PLAAT5: variants seen among roughly 807,000 people sequenced by gnomAD.
PLAAT5 encodes the protein phospholipase A and acyltransferase 5.
In PLAAT5, 27 loss-of-function variants were observed where a neutral mutation model predicts 27.8. The observed-to-expected ratio is 0.97, with a 90% CI of 0.72 to 1.34. The LOEUF is 1.34. Among genes scored for constraint, PLAAT5 ranks in the 40% most tolerant of loss-of-function variants. The pLI is 0.00. For synonymous variants in PLAAT5, 125 were observed against 136.1 expected, an observed-to-expected ratio of 0.92 and a Z score of 0.57; for missense variants, 368 against 343.8, an observed-to-expected ratio of 1.07 and a Z score of -0.56.
chr11:63,464,002 C>T (rs1253719785), intron 5 of PLAAT5, among the ~76,000 whole-genome samples: 1 of 152,172 alleles, frequency 6.6e-6, no homozygotes, highest in Non-Finnish European at 1.5e-5. Context: ...GGCCTCATGA[C>T]TCCTAGGCCC....
chr11:63,481,505 A>C (rs1304644511), intron 3 of PLAAT5, among the ~76,000 whole-genome samples: 1 of 152,190 alleles, frequency 6.6e-6, no homozygotes, highest in Non-Finnish European at 1.5e-5. Flanking sequence ...ATAAATGTTC[A>C]TTTCAAAGCT....
intron 3 of PLAAT5, among the ~76,000 whole-genome samples, chr11:63,480,294 C>CCAA: frequency 6.6e-6 from 1 of 152,278 alleles, no homozygotes; most frequent in Admixed American, 6.5e-5. Flanking sequence ...CATTGTGAGG[C>CCAA]CAATCTAAGC....
intron 3 of PLAAT5, among the ~76,000 whole-genome samples, chr11:63,488,159 T>C (rs948159661): frequency 2.0e-5 from 3 of 151,928 alleles, no homozygotes. Flanking sequence ...AAAATATATA[T>C]AGTTATATGA....
chr11:63,488,288 G>A (rs1440981897), intron 3 of PLAAT5, among the ~76,000 whole-genome samples: 3 of 152,110 alleles, frequency 2.0e-5, no homozygotes, highest in Non-Finnish European at 4.4e-5. Context: ...AGTGGTATGG[G>A]AAGAGAGAGG....
At chr11:63,487,971 C>G (rs780497890) in intron 3 of PLAAT5, among the ~76,000 whole-genome samples, 5 of 152,136 alleles carry the variant, frequency 3.3e-5, no homozygotes, top group Non-Finnish European at 7.3e-5. Flanking sequence ...CAGTGAAACC[C>G]CGTCTCTACC....
Position 63,463,196 on chromosome 11 carries a change from C to T in PLAAT5, c.*307G>A, listed in dbSNP as rs1267070994. On this transcript the variant is annotated 3_prime_UTR_variant, in exon 6 of 6. Transcript: ENST00000540857. ...CTCAAGCATCGGAGACCAAGGTCAG[C>T]CTAAGACACAAGCAAGGTCCCATCC... 5.9e-5 allele frequency: 18 copies of T among 306,548 alleles called. No individual in the cohort carries two copies. Among genetic ancestry groups the T allele is most frequent in the Non-Finnish European group, 1.8e-5 (3 of 164,656 alleles). The allele number at this position is 306,548 out of a possible 1,614,324, so 19.0% of individuals were successfully genotyped here.
chr11:63,488,842 G>A (rs2016496753), intron 3 of PLAAT5, 29 bp downstream of exon 3: 1 of 1,479,400 alleles, frequency 6.8e-7, no homozygotes, highest in Admixed American at 1.7e-5. Flanking sequence ...GTTAAAGATA[G>A]TCACTTTGAG....
At chr11:63,464,084 G>C (rs2015789852) in intron 5 of PLAAT5, among the ~76,000 whole-genome samples, 1 of 152,134 alleles carries the variant, frequency 6.6e-6, no homozygotes, top group Admixed American at 6.5e-5. Flanking sequence ...TCACGGGACG[G>C]GAGGTTTCTC....
chr11:63,466,380 C>T lies in PLAAT5; in HGVS notation c.455-8G>A. 1 of 1,613,340 alleles carries T rather than the reference C, an allele frequency of 6.2e-7. No homozygotes were observed. The highest frequency in any genetic ancestry group is 8.5e-7 in the Non-Finnish European group (1 of 1,179,710). On this transcript the variant is annotated splice_polypyrimidine_tract_variant and splice_region_variant and intron_variant, in intron 4 of 5. Transcript: ENST00000540857. ...CCACCTCAAACTCCTCACCTGGAGA[C>T]CAAAGACAAACAAAGGTTGGGAAAT...
At chr11:63,464,270 T>C (rs559901753) in intron 5 of PLAAT5, among the ~76,000 whole-genome samples, 5 of 152,308 alleles carry the variant, frequency 3.3e-5, no homozygotes, top group African/African-American at 1.2e-4. Flanking sequence ...CATTGGAATG[T>C]GAGCCCAATC....
chr11:63,466,340 T>G lies in PLAAT5; in HGVS notation c.487A>C (p.Ile163Leu). Reference sequence around the variant, plus strand: ...TTCACCACGGCCCGATTGCTAAAGATGGAAGTAATGCTGCCCACCTCAAAC... The same window carrying G: ...TTCACCACGGCCCGATTGCTAAAGAGGGAAGTAATGCTGCCCACCTCAAAC... ...EEFEVGSITSIFSNRAVVKYS... is the reference protein window; with the variant it reads ...EEFEVGSITSLFSNRAVVKYS... Residue 163 changes from isoleucine to leucine, a missense_variant, in exon 5 of 6, where the codon ATC becomes CTC. Coordinates refer to ENST00000540857, the MANE Select transcript of PLAAT5 (RefSeq NM_001146729.2). 1.2e-6 allele frequency: 2 copies of G among 1,614,028 alleles called. No individual in the cohort carries two copies. Among genetic ancestry groups the G allele is most frequent in the Non-Finnish European group, 1.7e-6 (2 of 1,179,992 alleles).
chr11:63,490,641 C>T (rs2016541558), intron 1 of PLAAT5: 1 of 610,896 alleles, frequency 1.6e-6, no homozygotes, highest in East Asian at 2.8e-5. Context: ...CCGGTCTTAA[C>T]ACCACCCTCC....
At chr11:63,464,468 C>T (rs1219892750) in intron 5 of PLAAT5, among the ~76,000 whole-genome samples, 2 of 151,968 alleles carry the variant, frequency 1.3e-5, no homozygotes, top group Non-Finnish European at 2.9e-5. Context: ...CCATCCTGAC[C>T]AACATGGTGA....
At chr11:63,469,133 T>TGC (rs2015947433) in intron 3 of PLAAT5, among the ~76,000 whole-genome samples, 1 of 146,862 alleles carries the variant, frequency 6.8e-6, no homozygotes, top group African/African-American at 2.7e-5. Context: ...TGTGTGTGTG[T>TGC]GTGTGTGTGT....
chr11:63,490,259 T>C lies in PLAAT5; in HGVS notation c.223A>G (p.Arg75Gly). The change falls in exon 2 of 6, where the codon AGA becomes GGA. Residue 75 changes from arginine to glycine, a missense_variant. Transcript: ENST00000540857. ...QPPPGTLEQGRSIQQGEKAVV... is the reference protein window; with the variant it reads ...QPPPGTLEQGGSIQQGEKAVV... ...TCTTCTTACCCTTGCTGGATGCTTC[T>C]GCCCTGTTCTAATGTGCCCGGCGGA... is the stretch of plus-strand genomic sequence containing the variant. The C allele has an allele frequency of 1.2e-6, 2 of 1,614,242 alleles. No individual in the cohort carries two copies. Among genetic ancestry groups the C allele is most frequent in the Non-Finnish European group, 1.7e-6 (2 of 1,180,044 alleles).
At chr11:63,473,952 A>C (rs531744865) in intron 3 of PLAAT5, among the ~76,000 whole-genome samples, 13 of 151,748 alleles carry the variant, frequency 8.6e-5, no homozygotes, top group Middle Eastern at 3.4e-3. Flanking sequence ...GCCTGCCTCC[A>C]CCTCCCAAAG....
At chr11:63,472,408 A>G (rs2016050611) in intron 3 of PLAAT5, among the ~76,000 whole-genome samples, 1 of 152,192 alleles carries the variant, frequency 6.6e-6, no homozygotes, top group Non-Finnish European at 1.5e-5. Context: ...TGCTTAACCA[A>G]CGTTGTTCTT....
intron 3 of PLAAT5, among the ~76,000 whole-genome samples, chr11:63,483,831 A>ATATATG (rs2016366464): frequency 8.2e-6 from 1 of 121,800 alleles, no homozygotes; most frequent in Non-Finnish European, 1.8e-5. Context: ...ATATATATAT[A>ATATATG]TATATATATA....
intron 3 of PLAAT5, among the ~76,000 whole-genome samples, chr11:63,472,263 T>G (rs2016045904): frequency 6.6e-6 from 1 of 152,128 alleles, no homozygotes; most frequent in Non-Finnish European, 1.5e-5. Context: ...ACCAGTTAAG[T>G]AAATAATCCT....
Sources: allele counts gnomAD v4.1 joint callset (sites outside exome capture counted in the v4.1 genomes callset), GRCh38; gene constraint gnomAD v4.1.1; transcripts MANE v1.5; gene names NCBI Gene and HGNC (gene_info 2026-07-23, HGNC 2026-07-21).